The following TENT2 variants were observed in gnomAD, a reference collection of about 807,000 sequenced individuals.
The protein encoded by TENT2 is poly(A) RNA polymerase GLD2.
TENT2 carries 44 observed loss-of-function variants against 72.2 expected under a neutral mutation model. That is an observed-to-expected ratio of 0.61 (90% CI 0.48 to 0.78). The LOEUF (loss-of-function observed/expected upper bound fraction) is 0.78, where lower values mean the gene tolerates loss of function less well. TENT2 is among the 30% of genes least tolerant of loss of function. The pLI, the probability that TENT2 is intolerant of heterozygous loss-of-function variation, is 0.00. For synonymous variants in TENT2, 212 were observed against 192.5 expected (o/e 1.10, Z -0.84); for missense variants, 541 against 569.6 (o/e 0.95, Z 0.51).
intron 12 of TENT2, among the ~76,000 whole-genome samples, chr5:79,675,939 C>G (rs1390070289): frequency 6.6e-6 from 1 of 151,774 alleles, no homozygotes; most frequent in Non-Finnish European, 1.5e-5. Flanking sequence ...GAGGCTGAGC[C>G]CTGATGGATA....
At chr5:79,663,994 T>TA (rs2150494132) in intron 11 of TENT2, among the ~76,000 whole-genome samples, 2 of 152,110 alleles carry the variant, frequency 1.3e-5, no homozygotes, top group South Asian at 4.1e-4. Context: ...AAAATAAAAA[T>TA]ACAACAATAA....
intron 4 of TENT2, among the ~76,000 whole-genome samples, chr5:79,635,902 A>G (rs1275783440): frequency 6.6e-6 from 1 of 152,194 alleles, no homozygotes; most frequent in Non-Finnish European, 1.5e-5. Context: ...CCTACGGTGA[A>G]TTCTAGGATT....
Position 79,687,665 on chromosome 5 carries a change from AT to A in TENT2, c.*2397del, listed in dbSNP as rs1826460203. Among the ~76,000 whole-genome samples, 1 of 152,000 alleles carries A rather than the reference AT, an allele frequency of 6.6e-6. No individual in the cohort carries two copies. Among genetic ancestry groups the A allele is most frequent in the South Asian group, 2.1e-4 (1 of 4,826 alleles). On this transcript the variant is annotated 3_prime_UTR_variant, in exon 15 of 15. Transcript: ENST00000453514. ...GCCTCCTCCCTACCCCCTCCCAAATATTTTTCATCCTGGTTGAATTCACAAA... is the reference window on the plus strand; with the variant it reads ...GCCTCCTCCCTACCCCCTCCCAAATATTTTCATCCTGGTTGAATTCACAAA...
chr5:79,644,460 A>G (rs1388808705), intron 7 of TENT2, among the ~76,000 whole-genome samples: 1 of 152,170 alleles, frequency 6.6e-6, no homozygotes, highest in East Asian at 1.9e-4. Context: ...TGATAAGTAT[A>G]TATTACTTTC....
intron 8 of TENT2, 73 bp downstream of exon 8, chr5:79,645,265 T>C: frequency 8.6e-7 from 1 of 1,156,852 alleles, no homozygotes; most frequent in Non-Finnish European, 1.2e-6. Context: ...TAAAGATAAT[T>C]AAGAAGTGTA....
intron 10 of TENT2, among the ~76,000 whole-genome samples, chr5:79,651,475 A>G (rs1793987788): frequency 1.3e-5 from 2 of 151,976 alleles, no homozygotes. Flanking sequence ...AATTACTACC[A>G]TCACTTCATA....
intron 11 of TENT2, among the ~76,000 whole-genome samples, chr5:79,659,554 ATGTATATATATATATAT>A (rs1800783778): frequency 6.3e-5 from 3 of 47,286 alleles, no homozygotes; most frequent in East Asian, 9.4e-4. Context: ...AAAAAAAAAA[ATGTATATATATATATAT>A]ATATATATAT....
At chr5:79,660,249 A>G (rs72768826) in intron 11 of TENT2, among the ~76,000 whole-genome samples, 9,772 of 152,212 alleles carry the variant, frequency 0.064, 427 homozygotes, top group South Asian at 0.13. Flanking sequence ...GCTTATTACT[A>G]AATTCTTATT....
chr5:79,641,307 A>G, intron 6 of TENT2, 111 bp downstream of exon 6: 1 of 876,934 alleles, frequency 1.1e-6, no homozygotes, highest in Non-Finnish European at 1.7e-6. Context: ...TACTTCTTTG[A>G]ATTTTGTTTA....
chr5:79,633,940 T>G (rs1580308946), intron 4 of TENT2, among the ~76,000 whole-genome samples: 1 of 141,676 alleles, frequency 7.1e-6, no homozygotes, highest in African/African-American at 2.6e-5. Flanking sequence ...GATCACGAGG[T>G]CAGGAGATCG....
At chr5:79,656,807 G>C (rs1798293984) in intron 10 of TENT2, 151 bp from the exon 11 acceptor site, 8 of 525,252 alleles carry the variant, frequency 1.5e-5, no homozygotes, top group Non-Finnish European at 2.7e-5. Flanking sequence ...TACAAACTTA[G>C]GGATAAGAAT....
chr5:79,619,536 AGTGGAT>A, intron 1 of TENT2, 70 bp from the exon 2 acceptor site: 3 of 1,040,608 alleles, frequency 2.9e-6, no homozygotes, highest in Non-Finnish European at 3.9e-6. Context: ...GTTTTAAGTT[AGTGGAT>A]AATAGTTATC....
chr5:79,626,947 T>C (rs1461653703), intron 4 of TENT2, among the ~76,000 whole-genome samples: 1 of 151,692 alleles, frequency 6.6e-6, no homozygotes, highest in Admixed American at 6.6e-5. Context: ...CTGGCCAATA[T>C]GGTGAAACCC....
At position 79,648,335 on chromosome 5, in the gene TENT2, A is replaced by T. The variant is rs189471574; in HGVS notation, c.822-282A>T. On this transcript the variant is annotated intron_variant, in intron 8 of 14. Coordinates refer to ENST00000453514, the MANE Select transcript of TENT2 (RefSeq NM_001114394.3). ...TAAAGAAAAAAAAAAAGATTTAAAA[A>T]TTTTATTTGGGGTAATTGGAGCCTT... Among the ~76,000 whole-genome samples the T allele has an allele frequency of 3.1e-3, 472 of 152,242 alleles. 2 individuals are homozygous for T. Among genetic ancestry groups the T allele is most frequent in the African/African-American group, 0.011 (443 of 41,560 alleles).
At chr5:79,638,277 C>T (rs976123422) in intron 4 of TENT2, among the ~76,000 whole-genome samples, 1 of 152,010 alleles carries the variant, frequency 6.6e-6, no homozygotes, top group Non-Finnish European at 1.5e-5. Context: ...GACATCCTGG[C>T]GTCTACCTAC....
At chr5:79,669,174 G>A in intron 12 of TENT2, 146 bp downstream of exon 12, 5 of 992,652 alleles carry the variant, frequency 5.0e-6, no homozygotes, top group Non-Finnish European at 4.2e-6. Flanking sequence ...AAGTTGTCCA[G>A]AAATGTATAG....
At chr5:79,635,135 C>T (rs1303193591) in intron 4 of TENT2, among the ~76,000 whole-genome samples, 1 of 152,102 alleles carries the variant, frequency 6.6e-6, no homozygotes, top group South Asian at 2.1e-4. Flanking sequence ...ATTATACATT[C>T]CTCCTCTCTA....
chr5:79,618,485 C>T (rs1195374821), intron 1 of TENT2, among the ~76,000 whole-genome samples: 4 of 152,098 alleles, frequency 2.6e-5, no homozygotes, highest in East Asian at 1.9e-4. Context: ...CTTCCCACCC[C>T]GGCCTCCCAG....
chr5:79,648,655 G>C lies in TENT2; in HGVS notation c.860G>C (p.Gly287Ala). ...GACTTGAATGTAAACAATATTGTTG[G>C]AATAAGAAACACATTCCTTCTCAGA... is the stretch of plus-strand genomic sequence containing the variant. ...EFDLNVNNIVGIRNTFLLRTY... is the reference protein window; with the variant it reads ...EFDLNVNNIVAIRNTFLLRTY... The change falls in exon 9 of 15, where the codon GGA becomes GCA. Residue 287 changes from glycine (G) to alanine (A), a missense_variant. Gly to Ala is a moderately conservative substitution (Grantham distance 60). Transcript: ENST00000453514. The C allele has an allele frequency of 6.3e-7, 1 of 1,596,182 alleles. No individual in the cohort carries two copies.
Sources: gnomAD v4.1 joint callset for allele counts (sites outside exome capture counted in the v4.1 genomes callset) on GRCh38, gnomAD v4.1.1 for gene constraint, MANE v1.5 for transcripts, NCBI Gene and HGNC (gene_info 2026-07-23, HGNC 2026-07-21) for gene names.